Variants in STMN1 observed in about 807,000 individuals in gnomAD.
The protein encoded by STMN1 is stathmin.
In STMN1, 3 loss-of-function variants were observed where a neutral mutation model predicts 19.7. That is an observed-to-expected ratio of 0.15 (90% CI 0.07 to 0.39). The LOEUF (loss-of-function observed/expected upper bound fraction) is 0.39. STMN1 is among the 10% of genes least tolerant of loss of function. The probability of loss-of-function intolerance (pLI) is 1.00; values close to 1 mark genes in which losing one functional copy is unlikely to be tolerated. For synonymous variants in STMN1, 59 were observed against 58.9 expected, an observed-to-expected ratio of 1.00 and a Z score of -0.01; for missense variants, 99 against 176.0, an observed-to-expected ratio of 0.56 and a Z score of 2.48.
chr1:25,898,877 GCTC>G (rs1166158258), downstream of STMN1, among the ~76,000 whole-genome samples: 11 of 152,282 alleles, frequency 7.2e-5, no homozygotes, highest in East Asian at 1.7e-3. Flanking sequence ...AGGTGCCACC[GCTC>G]CTCCTCTTCA....
intron 3 of STMN1, 111 bp downstream of exon 3, chr1:25,903,530 T>C: frequency 7.2e-7 from 1 of 1,391,124 alleles, no homozygotes; most frequent in Admixed American, 2.1e-5. Context: ...CACTGGCATA[T>C]GTAATAATCA....
chr1:25,894,380 C>T (rs1179910529), intron 4 of STMN1, among the ~76,000 whole-genome samples: 1 of 151,596 alleles, frequency 6.6e-6, no homozygotes, highest in Non-Finnish European at 1.5e-5. Flanking sequence ...GAAACGCTGG[C>T]TTAAAAAAAA....
intron 4 of STMN1, 116 bp from the exon 5 acceptor site, chr1:25,901,203 A>G: frequency 1.3e-6 from 2 of 1,508,750 alleles, no homozygotes; most frequent in Non-Finnish European, 1.8e-6. Context: ...CAGTGCATAT[A>G]TTACAGCCTG....
intron 2 of STMN1, among the ~76,000 whole-genome samples, chr1:25,904,069 G>C (rs1003231301): frequency 6.6e-6 from 1 of 152,064 alleles, no homozygotes; most frequent in African/African-American, 2.4e-5. Context: ...TCCCAGCACC[G>C]TGGGAGGCCA....
downstream of STMN1, chr1:25,884,521 C>T (rs867308487): frequency 2.0e-5 from 3 of 152,058 alleles, 1 homozygote; most frequent in African/African-American, 2.4e-5. Context: ...GCGGTGAAAC[C>T]CCGTCTCTAC....
chr1:25,885,687 C>A, exon 5 of STMN1: 2 of 1,536,250 alleles, frequency 1.3e-6, no homozygotes, highest in South Asian at 2.5e-5. Context: ...GTCTCAAGGT[C>A]ATTGCTATCA....
chr1:25,885,946 A>C, intron 4 of STMN1: 1 of 1,458,932 alleles, frequency 6.9e-7, no homozygotes. Context: ...GCCCTTCATC[A>C]GGGCTAAAAC....
chr1:25,901,687 A>G lies in STMN1; in HGVS notation c.187-5T>C. 4 of 1,598,658 alleles carry G rather than the reference A, an allele frequency of 2.5e-6. No individual in the cohort carries two copies. The highest frequency in any genetic ancestry group is 1.1e-5 in the South Asian group (1 of 88,516). ...CAAGACCTCAGCTTCATGGGACTGG[A>G]AAAAAAAGTTTAATAGGCTAGGCAC... On this transcript the variant is annotated splice_region_variant and splice_polypyrimidine_tract_variant and intron_variant, in intron 3 of 4. Transcript: ENST00000455785.
rs1462855834 is a variant in STMN1 at position 25,893,495 on chromosome 1, T to G, written c.379-7626A>C. Among the ~76,000 whole-genome samples the G allele has an allele frequency of 2.0e-5, 3 of 152,218 alleles. No homozygotes were observed. The South Asian group carries it at 6.2e-4, about 32-fold the overall frequency. Reference sequence around the variant, plus strand: ...ACTGCTCTGATGTATGGCTGACACCTACTTATGCCCCAGCTGTCCCCAAGG... The same window carrying G: ...ACTGCTCTGATGTATGGCTGACACCGACTTATGCCCCAGCTGTCCCCAAGG... On this transcript the variant is annotated intron_variant, in intron 4 of 4. Coordinates refer to the STMN1 transcript ENST00000426559.
chr1:25,894,332 T>C (rs999924819), intron 4 of STMN1, among the ~76,000 whole-genome samples: 3 of 151,904 alleles, frequency 2.0e-5, no homozygotes, highest in African/African-American at 7.3e-5. Context: ...GGTGTTTAGA[T>C]GTTGCATCCT....
rs1219407954 is a variant in STMN1 at position 25,906,237 on chromosome 1, G to A, written c.-63+152C>T. The A allele has an allele frequency of 6.6e-6, 1 of 152,020 alleles. No homozygotes were observed. The highest frequency in any genetic ancestry group is 6.5e-5 in the Admixed American group (1 of 15,272). 9.4% of individuals were successfully genotyped at this position (152,020 alleles called of 1,614,324 possible). A position where few individuals can be genotyped will look rare whatever the true frequency, so the allele number is the denominator to read the frequency against. Reference sequence around the variant, plus strand: ...CTCCGCCCGAGCCACACACAAAGCGGAGCGACCCCCGCCCACCAACCCCTC... The same window carrying A: ...CTCCGCCCGAGCCACACACAAAGCGAAGCGACCCCCGCCCACCAACCCCTC... On this transcript the variant is annotated intron_variant, in intron 1 of 4. Coordinates refer to ENST00000455785, the MANE Select transcript of STMN1 (RefSeq NM_005563.4). This position sits in a 1 kb window ranked among gnomAD's most constrained non-coding sequence, Gnocchi z 4.5.
chr1:25,900,433 G>A lies in STMN1; in HGVS notation c.*583C>T, dbSNP rs377089743. On this transcript the variant is annotated 3_prime_UTR_variant, in exon 5 of 5. Transcript: ENST00000455785. ...TGCAAACCACACTGGGGCAAGAAAC[G>A]GGGCAGAGAACGTGCGGTCATTTGT... is the stretch of plus-strand genomic sequence containing the variant. The A allele has an allele frequency of 1.2e-5, 12 of 985,784 alleles. No individual in the cohort carries two copies. In the African/African-American group the frequency reaches 1.6e-4, roughly 13 times the overall value. The allele number at this position is 985,784 out of a possible 1,614,324, so 61.1% of individuals were successfully genotyped here. A position where few individuals can be genotyped will look rare whatever the true frequency, so the allele number is the denominator to read the frequency against.
At chr1:25,888,346 T>C (rs1391932331) in intron 4 of STMN1, among the ~76,000 whole-genome samples, 1 of 152,172 alleles carries the variant, frequency 6.6e-6, no homozygotes, top group Non-Finnish European at 1.5e-5. Flanking sequence ...TGAAATGCAA[T>C]TGCCCATAAG....
intron 4 of STMN1, chr1:25,892,609 A>G: frequency 1.0e-6 from 1 of 985,306 alleles, no homozygotes; most frequent in Non-Finnish European, 1.2e-6. Context: ...GAGATTCTTG[A>G]GATTCTAAAC....
chr1:25,888,103 G>C (rs1417252082), intron 4 of STMN1, among the ~76,000 whole-genome samples: 1 of 152,214 alleles, frequency 6.6e-6, no homozygotes, highest in Non-Finnish European at 1.5e-5. Flanking sequence ...CTGGTTAGCT[G>C]TGTGACTAGA....
At chr1:25,899,308 C>CT (rs2048847876), downstream of STMN1, among the ~76,000 whole-genome samples, 1 of 26,792 alleles carries the variant, frequency 3.7e-5, no homozygotes, top group African/African-American at 1.2e-4. Flanking sequence ...TCTTTATATT[C>CT]CCATCTATTC....
At chr1:25,888,081 C>T (rs2048740491) in intron 4 of STMN1, among the ~76,000 whole-genome samples, 1 of 152,130 alleles carries the variant, frequency 6.6e-6, no homozygotes, top group Non-Finnish European at 1.5e-5. Context: ...GGGTTTAAAT[C>T]TAGCACAACC....
At chr1:25,906,516 GC>G (rs1357196652), upstream of STMN1, 5 of 152,124 alleles carry the variant, frequency 3.3e-5, no homozygotes, top group Admixed American at 6.6e-5. This position sits in a 1 kb window ranked among gnomAD's most constrained non-coding sequence, Gnocchi z 4.5. Context: ...GGCACGTGCC[GC>G]CCCCGCCCCC....
chr1:25,894,650 G>A (rs1264551040), intron 4 of STMN1, among the ~76,000 whole-genome samples: 3 of 152,064 alleles, frequency 2.0e-5, no homozygotes, highest in African/African-American at 7.2e-5. Context: ...ACTGCACTCC[G>A]GCCTGGGTGA....
Sources: gnomAD v4.1 joint callset for allele counts (sites outside exome capture counted in the v4.1 genomes callset) on GRCh38, gnomAD v4.1.1 for gene constraint, Gnocchi (gnomAD v3.1) non-coding constraint, MANE v1.5 for transcripts, NCBI Gene and HGNC (gene_info 2026-07-23, HGNC 2026-07-21) for gene names.